The following FLNB variants were observed in gnomAD, a reference collection of about 807,000 sequenced individuals.
The protein encoded by FLNB is filamin-B.
Under a neutral mutation model 250.6 loss-of-function variants are expected in FLNB, and 111 were observed. The ratio of observed to expected loss-of-function variants is 0.44; its 90% confidence interval spans 0.38 to 0.52. The LOEUF is 0.52. FLNB is among the 20% of genes least tolerant of loss of function. The pLI is 0.00. For synonymous variants in FLNB, 1,302 were observed against 1,372.1 expected (o/e 0.95, Z 1.13); for missense variants, 2,869 against 3,447.8 (o/e 0.83, Z 4.20).
At chr3:58,110,262 T>G (rs1302961957) in intron 16 of FLNB, 92 bp downstream of exon 16, 3 of 1,319,562 alleles carry the variant, frequency 2.3e-6, no homozygotes, top group Non-Finnish European at 3.3e-6. Context: ...TTTGGTGTTT[T>G]GTTAGTATTA....
rs888555274 is a variant in FLNB at position 58,008,465 on chromosome 3, C to G, written c.-100C>G. 7.0e-7 allele frequency: 1 copy of G among 1,418,568 alleles called. No individual in the cohort carries two copies. Among genetic ancestry groups the G allele is most frequent in the Admixed American group, 2.0e-5 (1 of 50,798 alleles). The allele number at this position is 1,418,568 out of a possible 1,614,324, so 87.9% of individuals were successfully genotyped here. Reference sequence around the variant, plus strand: ...GCTCCGGTAGCAGCAAGTTCGAACCCCGCTCCCGCTCCGCTTCGGTTCTCG... The same window carrying G: ...GCTCCGGTAGCAGCAAGTTCGAACCGCGCTCCCGCTCCGCTTCGGTTCTCG... On this transcript the variant is annotated 5_prime_UTR_variant, in exon 1 of 46. Coordinates refer to ENST00000295956, the MANE Select transcript of FLNB (RefSeq NM_001457.4).
At chr3:58,009,250 C>T (rs1298082043) in intron 1 of FLNB, among the ~76,000 whole-genome samples, 1 of 152,188 alleles carries the variant, frequency 6.6e-6, no homozygotes, top group Non-Finnish European at 1.5e-5. Context: ...GAGTGCTCTC[C>T]CTGCTGCGCC....
chr3:58,121,434 C>T lies in FLNB; in HGVS notation c.3057C>T (p.Thr1019=), dbSNP rs749157393. 7.4e-6 allele frequency: 12 copies of T among 1,614,018 alleles called. No individual in the cohort carries two copies. Among genetic ancestry groups the T allele is most frequent in the Middle Eastern group, 3.3e-4 (2 of 6,084 alleles). Residue 1019 remains threonine (T), a synonymous_variant, in exon 20 of 46, where the codon ACC becomes ACT. Coordinates refer to ENST00000295956, the MANE Select transcript of FLNB (RefSeq NM_001457.4). ...AGGGGCTGTATGCTGTAGACGTGAC[C>T]TACGATGGACACCCTGTGCCCGGGA... ...REEGLYAVDV[T]YDGHPVPGSP...
intron 27 of FLNB, among the ~76,000 whole-genome samples, 161 bp downstream of exon 27, chr3:58,134,933 C>G (rs763003777): frequency 6.6e-6 from 1 of 152,224 alleles, no homozygotes; most frequent in Non-Finnish European, 1.5e-5. Context: ...GCAGAAGCAG[C>G]TCACCTGAGA....
At chr3:58,130,536 CACA>C (rs1200628490) in intron 24 of FLNB, among the ~76,000 whole-genome samples, 1 of 152,156 alleles carries the variant, frequency 6.6e-6, no homozygotes, top group Non-Finnish European at 1.5e-5. Context: ...CAGCACGTGG[CACA>C]ACATCTGCAC....
chr3:58,141,197 A>G (rs1476237728), intron 29 of FLNB, among the ~76,000 whole-genome samples: 1 of 152,182 alleles, frequency 6.6e-6, no homozygotes, highest in East Asian at 1.9e-4. Context: ...AGGCTGTAGT[A>G]AGCTGAGATT....
intron 26 of FLNB, 90 bp from the exon 27 acceptor site, chr3:58,134,526 C>T: frequency 6.8e-7 from 1 of 1,465,792 alleles, no homozygotes; most frequent in African/African-American, 1.4e-5. Flanking sequence ...TCCCCTTTTC[C>T]ATCCCACTCT....
chr3:58,167,314 G>GGC (rs2097372374), intron 43 of FLNB, among the ~76,000 whole-genome samples: 1 of 151,674 alleles, frequency 6.6e-6, no homozygotes, highest in African/African-American at 2.4e-5. Context: ...ATAGTGTTGG[G>GGC]GGTGGACCTT....
chr3:58,135,437 G>A (rs2097314317), intron 27 of FLNB, among the ~76,000 whole-genome samples: 2 of 152,184 alleles, frequency 1.3e-5, no homozygotes, highest in South Asian at 2.1e-4. Context: ...CACATGGCAG[G>A]CCAGAAGGAG....
In FLNB at chr3:58,104,934, C is replaced by T. The variant is rs562598718; in HGVS notation, c.1611-146C>T. The T allele has an allele frequency of 1.3e-5, 13 of 980,958 alleles. No homozygotes were observed. In the East Asian group the frequency reaches 2.6e-4, roughly 20 times the overall value. The allele number at this position is 980,958 out of a possible 1,614,324, so 60.8% of individuals were successfully genotyped here. On this transcript the variant is annotated intron_variant, in intron 10 of 45. Coordinates refer to ENST00000295956, the MANE Select transcript of FLNB (RefSeq NM_001457.4). ...ACAGTAGCTATGGGTGAGAGGCCTG[C>T]AGGAGGAAGGGCTTGGCTGCAGTTT...
chr3:58,112,088 G>C (rs2097269784), intron 17 of FLNB, 61 bp from the exon 18 acceptor site: 1 of 1,533,668 alleles, frequency 6.5e-7, no homozygotes, highest in African/African-American at 1.4e-5. Flanking sequence ...TGTCTGACGG[G>C]TTCTCAAAGT....
At chr3:58,041,462 T>A (rs2097145861) in intron 1 of FLNB, among the ~76,000 whole-genome samples, 1 of 152,134 alleles carries the variant, frequency 6.6e-6, no homozygotes, top group Middle Eastern at 3.2e-3. Flanking sequence ...AGGCCTTCAG[T>A]GGTGAGGAGG....
At position 58,171,164 on chromosome 3, in the gene FLNB, G is replaced by T; in HGVS notation, c.*402G>T. The stretch of plus-strand genomic sequence containing the variant: ...AGGGGAAGATGGGCAGAGAAAAAGG[G>T]GACACCTAGTTTGGTTGTCATTTGG... On this transcript the variant is annotated 3_prime_UTR_variant, in exon 46 of 46. Transcript: ENST00000295956. The surrounding 1 kb of genome is among the most constrained non-coding windows in gnomAD (Gnocchi z 5.5). The T allele has an allele frequency of 4.4e-6, 1 of 226,398 alleles. No individual in the cohort carries two copies. The highest frequency in any genetic ancestry group is 8.8e-6 in the Non-Finnish European group (1 of 113,978). 14.0% of individuals were successfully genotyped at this position (226,398 alleles called of 1,614,324 possible).
At chr3:58,010,599 G>A (rs2097097181) in intron 1 of FLNB, among the ~76,000 whole-genome samples, 1 of 152,212 alleles carries the variant, frequency 6.6e-6, no homozygotes, top group Admixed American at 6.5e-5. Context: ...CCTCCCCTCT[G>A]AAGAATCCCA....
Position 58,153,503 on chromosome 3 carries a change from A to C in FLNB, c.6496A>C (p.Thr2166Pro). 6.2e-7 allele frequency: 1 copy of C among 1,614,180 alleles called. No homozygotes were observed. The highest frequency in any genetic ancestry group is 8.5e-7 in the Non-Finnish European group (1 of 1,180,044). ...RFVPQEMGVH[T>P]VSVKYRGQHV... Reference sequence around the variant, plus strand: ...TGTGCCCCAGGAGATGGGCGTGCACACGGTCAGCGTCAAGTACCGTGGGCA... The same window carrying C: ...TGTGCCCCAGGAGATGGGCGTGCACCCGGTCAGCGTCAAGTACCGTGGGCA... The change falls in exon 39 of 46, where the codon ACG becomes CCG. Residue 2166 changes from threonine to proline, a missense_variant. Around this residue, in one of 5 missense-constraint regions of FLNB, gnomAD observed 1,084 missense variants for 1,315.5 expected, o/e 0.82. Coordinates refer to ENST00000295956, the MANE Select transcript of FLNB (RefSeq NM_001457.4).
chr3:58,115,479 A>G (rs1056069309), intron 18 of FLNB, among the ~76,000 whole-genome samples: 2 of 152,200 alleles, frequency 1.3e-5, no homozygotes, highest in African/African-American at 2.4e-5. Context: ...CTTGGAAAGG[A>G]CTGCAGAACC....
intron 8 of FLNB, 146 bp from the exon 9 acceptor site, chr3:58,102,057 G>C: frequency 1.3e-6 from 1 of 787,414 alleles, no homozygotes; most frequent in Non-Finnish European, 2.1e-6. Flanking sequence ...TGTGCTCCCT[G>C]AGTGGGACCC....
rs749024916 is a variant in FLNB, at chr3:58,170,782, GGA to G, written c.*26_*27del. The G allele has an allele frequency of 2.2e-5, 36 of 1,610,062 alleles. No homozygotes were observed. The East Asian group carries it at 7.8e-4, about 35-fold the overall frequency. ...CCTTAAAACAGTTTTCTCAAATCCT[GGA>G]GAGAGTTCTTGTGGTTGCTTTTGTT... On this transcript the variant is annotated 3_prime_UTR_variant, in exon 46 of 46. Transcript: ENST00000295956.
chr3:58,148,563 G>T, intron 35 of FLNB, 86 bp from the exon 36 acceptor site: 1 of 1,308,654 alleles, frequency 7.6e-7, no homozygotes. Context: ...CAGGAAAGAG[G>T]ACATATTTCT....
Sources: allele counts gnomAD v4.1 joint callset (sites outside exome capture counted in the v4.1 genomes callset), GRCh38; gene constraint gnomAD v4.1.1; regional missense constraint gnomAD v4.1.1; non-coding constraint Gnocchi (gnomAD v3.1); transcripts MANE v1.5; gene names NCBI Gene and HGNC (gene_info 2026-07-23, HGNC 2026-07-21).